FSTL5: variants seen among roughly 807,000 people sequenced by gnomAD.
FSTL5 encodes the protein follistatin-related protein 5.
FSTL5 carries 62 observed loss-of-function variants against 89.1 expected under a neutral mutation model. That is an observed-to-expected ratio of 0.70 (90% CI 0.57 to 0.86). The LOEUF (loss-of-function observed/expected upper bound fraction) is 0.86. Ranked by LOEUF, FSTL5 falls within the 40% of genes least tolerant of loss-of-function variation. The probability of loss-of-function intolerance (pLI) is 0.00; values close to 1 mark genes in which losing one functional copy is unlikely to be tolerated. For missense variants in FSTL5, 1,057 were observed against 1,001.6 expected, an observed-to-expected ratio of 1.06 and a Z score of -0.75; for synonymous variants, 383 against 346.2, an observed-to-expected ratio of 1.11 and a Z score of -1.18.
chr4:161,778,475 T>A (rs1392593166), intron 4 of FSTL5, among the ~76,000 whole-genome samples: 1 of 152,206 alleles, frequency 6.6e-6, no homozygotes, highest in African/African-American at 2.4e-5. Context: ...AGCATGGGGC[T>A]GCAAAACAAT....
chr4:162,032,496 C>T (rs533645311), intron 3 of FSTL5: 75 of 152,290 alleles, frequency 4.9e-4, no homozygotes, highest in African/African-American at 1.8e-3. Flanking sequence ...CCTGGAAGAA[C>T]AGTCTTACAT....
chr4:161,863,672 C>T (rs144575892), intron 4 of FSTL5, among the ~76,000 whole-genome samples: 13 of 152,306 alleles, frequency 8.5e-5, no homozygotes, highest in African/African-American at 3.1e-4. Context: ...TGGTTCCACA[C>T]TTAATAGTTA....
At chr4:161,793,654 G>T (rs963546382) in intron 4 of FSTL5, among the ~76,000 whole-genome samples, 7 of 150,332 alleles carry the variant, frequency 4.7e-5, no homozygotes, top group Non-Finnish European at 7.4e-5. Flanking sequence ...TGTTGCCCAT[G>T]CTAGAGTGCA....
intron 15 of FSTL5, among the ~76,000 whole-genome samples, chr4:161,409,809 C>T (rs921877200): frequency 1.3e-5 from 2 of 152,168 alleles, no homozygotes; most frequent in African/African-American, 4.8e-5. Context: ...TATAAAGCAA[C>T]TACAAATCAC....
chr4:161,392,118 A>G (rs1730841273), intron 15 of FSTL5, among the ~76,000 whole-genome samples: 1 of 152,214 alleles, frequency 6.6e-6, no homozygotes, highest in South Asian at 2.1e-4. Context: ...TAATTTAATT[A>G]TAGTACATTC....
At chr4:161,555,574 T>G (rs913099152) in intron 8 of FSTL5, among the ~76,000 whole-genome samples, 1 of 151,598 alleles carries the variant, frequency 6.6e-6, no homozygotes, top group African/African-American at 2.4e-5. Flanking sequence ...TATGTTACAG[T>G]AACCTCCTCC....
intron 15 of FSTL5, among the ~76,000 whole-genome samples, chr4:161,446,747 G>A (rs6536593): frequency 0.95 from 144,053 of 152,062 alleles, 68,677 homozygotes; most frequent in East Asian, 1. Context: ...AATTCTCACA[G>A]TGAGCTCTGC....
chr4:161,528,660 C>T lies in FSTL5; in HGVS notation c.1312+9506G>A, dbSNP rs888604807. Among the ~76,000 whole-genome samples, 13 of 143,300 alleles carry T rather than the reference C, an allele frequency of 9.1e-5. 1 individual carries two copies. Among genetic ancestry groups the T allele is most frequent in the African/African-American group, 3.3e-4 (13 of 39,960 alleles). 94.0% of individuals were successfully genotyped at this position (143,300 alleles called of 152,430 possible). Reference sequence around the variant, plus strand: ...ACATTTGTTTTGTTAACTCTTTGCACATTTATGCCATTATCTGACCGAATT... The same window carrying T: ...ACATTTGTTTTGTTAACTCTTTGCATATTTATGCCATTATCTGACCGAATT... On this transcript the variant is annotated intron_variant, in intron 10 of 15. Coordinates refer to ENST00000306100, the MANE Select transcript of FSTL5 (RefSeq NM_020116.5).
At chr4:162,105,621 A>G (rs1467159403) in intron 2 of FSTL5, among the ~76,000 whole-genome samples, 1 of 152,106 alleles carries the variant, frequency 6.6e-6, no homozygotes, top group Non-Finnish European at 1.5e-5. Flanking sequence ...AACATAATTT[A>G]TTTTATTAGA....
intron 13 of FSTL5, among the ~76,000 whole-genome samples, chr4:161,461,355 G>T (rs1012628290): frequency 6.8e-6 from 1 of 147,798 alleles, no homozygotes; most frequent in African/African-American, 2.5e-5. Context: ...CCAGCTGCTC[G>T]GGAGGCTGAG....
intron 5 of FSTL5, among the ~76,000 whole-genome samples, chr4:161,762,040 T>C (rs1740828113): frequency 6.6e-6 from 1 of 152,166 alleles, no homozygotes; most frequent in African/African-American, 2.4e-5. Flanking sequence ...ACATCTTTAT[T>C]GAGGTATGAT....
intron 4 of FSTL5, among the ~76,000 whole-genome samples, chr4:161,780,891 C>T (rs917720408): frequency 6.6e-6 from 1 of 152,112 alleles, no homozygotes; most frequent in Non-Finnish European, 1.5e-5. Flanking sequence ...ATCCTTTCCT[C>T]CTATCCTCCA....
intron 4 of FSTL5, among the ~76,000 whole-genome samples, chr4:161,794,158 AGTG>A (rs1729558795): frequency 6.6e-6 from 1 of 152,176 alleles, no homozygotes; most frequent in Non-Finnish European, 1.5e-5. Context: ...CTTTGAAACA[AGTG>A]ATGCCTGGGC....
chr4:161,488,294 G>A (rs1028347737), intron 12 of FSTL5, among the ~76,000 whole-genome samples: 2 of 151,996 alleles, frequency 1.3e-5, no homozygotes, highest in Non-Finnish European at 2.9e-5. Context: ...TCATGGTAAC[G>A]TGGGGGCTCT....
intron 8 of FSTL5, among the ~76,000 whole-genome samples, chr4:161,573,316 G>C (rs1578936096): frequency 6.6e-6 from 1 of 151,454 alleles, no homozygotes; most frequent in Non-Finnish European, 1.5e-5. Context: ...AGGCTGAGGT[G>C]GGAGGATTGC....
At chr4:161,922,824 T>C (rs1734028252) in intron 3 of FSTL5, among the ~76,000 whole-genome samples, 1 of 88,378 alleles carries the variant, frequency 1.1e-5, no homozygotes, top group African/African-American at 3.9e-5. Flanking sequence ...TAAAAATGAA[T>C]ATAGTTGATT....
At chr4:161,824,637 T>C (rs1173334693) in intron 4 of FSTL5, among the ~76,000 whole-genome samples, 1 of 152,156 alleles carries the variant, frequency 6.6e-6, no homozygotes, top group African/African-American at 2.4e-5. Context: ...AGTTTTCTTT[T>C]TAGAGGCTTT....
At chr4:161,754,000 C>A (rs1176446049) in intron 6 of FSTL5, among the ~76,000 whole-genome samples, 2 of 135,202 alleles carry the variant, frequency 1.5e-5, no homozygotes, top group Non-Finnish European at 3.0e-5. Flanking sequence ...CGAGATCGCG[C>A]CACTGCACTC....
At chr4:161,911,889 A>G (rs1183562441) in intron 4 of FSTL5, among the ~76,000 whole-genome samples, 1 of 152,118 alleles carries the variant, frequency 6.6e-6, no homozygotes, top group Admixed American at 6.6e-5. Flanking sequence ...CCATCCAAAC[A>G]CTTTTTTCAC....
Sources: allele counts gnomAD v4.1 joint callset (sites outside exome capture counted in the v4.1 genomes callset), GRCh38; gene constraint gnomAD v4.1.1; transcripts MANE v1.5; gene names NCBI Gene and HGNC (gene_info 2026-07-23, HGNC 2026-07-21).